The following RBFOX1 variants were observed in gnomAD, a reference collection of about 807,000 sequenced individuals.
RBFOX1 encodes RNA binding protein fox-1 homolog 1.
Under a neutral mutation model 57.7 loss-of-function variants are expected in RBFOX1, and 8 were observed. The observed-to-expected ratio is 0.14, with a 90% CI of 0.08 to 0.25. RBFOX1 has a LOEUF of 0.25. Ranked by LOEUF, RBFOX1 falls within the 10% of genes least tolerant of loss-of-function variation. The pLI is 1.00. For missense variants in RBFOX1, 611 were observed against 548.5 expected (o/e 1.11, Z -1.14); for synonymous variants, 326 against 222.4 (o/e 1.47, Z -4.15).
intron 11 of RBFOX1, among the ~76,000 whole-genome samples, chr16:7,642,461 C>G (rs946647042): frequency 6.6e-6 from 1 of 152,104 alleles, no homozygotes; most frequent in Non-Finnish European, 1.5e-5. Flanking sequence ...ACCGTCAGAC[C>G]CCTCTGAAGG....
rs766047956 is a variant in RBFOX1, at chr16:7,508,479, G to C, written c.28-9668G>C. 1.2e-4 allele frequency among the ~76,000 whole-genome samples: 19 copies of C among 152,262 alleles called. No individual in the cohort carries two copies. The Middle Eastern group carries it at 0.014, about 109-fold the overall frequency. ...CGCATACTGAGCTGGAGTCTTGTGA[G>C]ACAGGGCCTCTTGTCCTCTGTGTTT... On this transcript the variant is annotated intron_variant, in intron 4 of 15. Coordinates refer to ENST00000550418, the MANE Select transcript of RBFOX1 (RefSeq NM_018723.4).
At chr16:6,258,248 C>G (rs546379508) in intron 1 of RBFOX1, among the ~76,000 whole-genome samples, 2 of 152,320 alleles carry the variant, frequency 1.3e-5, no homozygotes, top group East Asian at 3.9e-4. Flanking sequence ...CAACTGTGCT[C>G]TTGTACATAT....
rs1414601769 is a variant in RBFOX1 at position 6,549,266 on chromosome 16, GAGGAGGGA to G, written c.-63-105336_-63-105329del. On this transcript the variant is annotated intron_variant, in intron 2 of 15. Coordinates refer to ENST00000550418, the MANE Select transcript of RBFOX1 (RefSeq NM_018723.4). ...GGAGTAGGAGGAGGGAGGAGGAGGA[GAGGAGGGA>G]GGAGGAGGAGGGAGGAGTAGGAGGG... 2.2e-4 allele frequency among the ~76,000 whole-genome samples: 3 copies of G among 13,370 alleles called. 1 individual carries two copies. The highest frequency in any genetic ancestry group is 1.1e-3 in the African/African-American group (3 of 2,792). The allele number at this position is 13,370 out of a possible 152,430, so 8.8% of individuals were successfully genotyped here.
chr16:5,909,072 C>G (rs1444377938), intron 4 of RBFOX1, among the ~76,000 whole-genome samples: 3 of 147,844 alleles, frequency 2.0e-5, no homozygotes, highest in African/African-American at 5.0e-5. Context: ...TATATCGGCT[C>G]CAACAGACTA....
At chr16:6,149,036 G>A (rs1020826358) in intron 1 of RBFOX1, among the ~76,000 whole-genome samples, 5 of 152,208 alleles carry the variant, frequency 3.3e-5, no homozygotes, top group Non-Finnish European at 7.3e-5. Flanking sequence ...GTAGATCATT[G>A]AAATGGAGCC....
chr16:6,512,440 T>C, intron 2 of RBFOX1, among the ~76,000 whole-genome samples: 1 of 152,102 alleles, frequency 6.6e-6, no homozygotes. Flanking sequence ...CTTGGACATG[T>C]TTTTCTTGGA....
chr16:6,567,652 A>G (rs1451549564), intron 2 of RBFOX1, among the ~76,000 whole-genome samples: 1 of 152,144 alleles, frequency 6.6e-6, no homozygotes, highest in East Asian at 1.9e-4. Context: ...TCCCAGCACT[A>G]CACCAGTGCC....
chr16:5,938,715 T>C (rs762112570), intron 4 of RBFOX1, among the ~76,000 whole-genome samples: 1 of 152,158 alleles, frequency 6.6e-6, no homozygotes, highest in Non-Finnish European at 1.5e-5. Flanking sequence ...TTGCTTCTCA[T>C]TGCTCCAGGT....
chr16:6,997,712 G>C (rs180877365), intron 3 of RBFOX1, among the ~76,000 whole-genome samples: 12 of 152,204 alleles, frequency 7.9e-5, no homozygotes, highest in Admixed American at 7.2e-4. Flanking sequence ...TTAATGATTA[G>C]TATAAATCTT....
At chr16:5,888,290 C>G (rs541812317) in intron 4 of RBFOX1, among the ~76,000 whole-genome samples, 1 of 152,220 alleles carries the variant, frequency 6.6e-6, no homozygotes, top group African/African-American at 2.4e-5. Flanking sequence ...GTTGCCTCCC[C>G]TCATTATCCA....
intron 4 of RBFOX1, among the ~76,000 whole-genome samples, chr16:7,443,656 G>C (rs1022644398): frequency 5.3e-5 from 8 of 152,098 alleles, no homozygotes; most frequent in African/African-American, 1.9e-4. Context: ...TTCTATATAT[G>C]TCTGTAGATG....
At chr16:5,909,520 C>G (rs1220901290) in intron 4 of RBFOX1, among the ~76,000 whole-genome samples, 1 of 152,228 alleles carries the variant, frequency 6.6e-6, no homozygotes, top group African/African-American at 2.4e-5. Context: ...CCACCATCAA[C>G]TTTGACAGGT....
At position 5,424,967 on chromosome 16, in the gene RBFOX1, TTTCTTTC is replaced by T. The variant is rs1464218980; in HGVS notation, c.220-42246_220-42240del. ...TTCTTTCTTCCTTTGTTTCTTTCTC[TTTCTTTC>T]TTTCTTTTCTTTTCTTTTCTTTTCT... On this transcript the variant is annotated intron_variant, in intron 1 of 2. Transcript: ENST00000585867. 2.1e-4 allele frequency among the ~76,000 whole-genome samples: 13 copies of T among 60,614 alleles called. 1 individual carries two copies. The highest frequency in any genetic ancestry group is 2.4e-4 in the Non-Finnish European group (8 of 33,282). 39.8% of individuals were successfully genotyped at this position (60,614 alleles called of 152,430 possible).
chr16:7,021,070 G>A (rs2038884181), intron 3 of RBFOX1, among the ~76,000 whole-genome samples: 4 of 152,290 alleles, frequency 2.6e-5, no homozygotes, highest in Middle Eastern at 3.4e-3. Context: ...AGAGGCTGCA[G>A]TGAGCCCAGG....
chr16:7,120,876 A>G (rs1475371272), intron 4 of RBFOX1, among the ~76,000 whole-genome samples: 1 of 81,372 alleles, frequency 1.2e-5, no homozygotes, highest in Admixed American at 1.4e-4. Context: ...AACATATATC[A>G]TGGAATACAT....
At chr16:6,285,852 T>C (rs2076852104) in intron 1 of RBFOX1, among the ~76,000 whole-genome samples, 1 of 152,146 alleles carries the variant, frequency 6.6e-6, no homozygotes, top group African/African-American at 2.4e-5. Context: ...TTTACATTGA[T>C]GGCCCATTAA....
chr16:5,356,223 C>T (rs376296684), intron 1 of RBFOX1, among the ~76,000 whole-genome samples: 54 of 152,268 alleles, frequency 3.5e-4, no homozygotes, highest in African/African-American at 1.2e-3. Context: ...CACCAGGAGC[C>T]AGGAGGGAGG....
chr16:6,816,003 G>T (rs2089984211), intron 3 of RBFOX1, among the ~76,000 whole-genome samples: 1 of 152,126 alleles, frequency 6.6e-6, no homozygotes, highest in African/African-American at 2.4e-5. Flanking sequence ...GTTTCTTTCT[G>T]CCTATTGTAC....
chr16:5,849,570 A>T (rs915913917), intron 3 of RBFOX1, among the ~76,000 whole-genome samples: 1 of 151,974 alleles, frequency 6.6e-6, no homozygotes, highest in Non-Finnish European at 1.5e-5. Flanking sequence ...ATGGTTCTCA[A>T]GTCTTGGTTT....
Sources: allele counts gnomAD v4.1 joint callset (sites outside exome capture counted in the v4.1 genomes callset), GRCh38; gene constraint gnomAD v4.1.1; transcripts MANE v1.5; gene names NCBI Gene and HGNC (gene_info 2026-07-23, HGNC 2026-07-21).